Variants in PEX5L observed in about 807,000 individuals in gnomAD.
The protein encoded by PEX5L is peroxisomal biogenesis factor 5 like.
In PEX5L, 30 loss-of-function variants were observed where a neutral mutation model predicts 84.0. That is an observed-to-expected ratio of 0.36 (90% confidence interval 0.27 to 0.48). The LOEUF is 0.48. PEX5L is among the 20% of genes least tolerant of loss of function. PEX5L has a pLI of 0.99. For synonymous variants in PEX5L, 270 were observed against 283.1 expected (o/e 0.95, Z 0.46); for missense variants, 533 against 754.6 (o/e 0.71, Z 3.44).
intron 8 of PEX5L, among the ~76,000 whole-genome samples, chr3:179,847,388 A>G (rs1739937571): frequency 6.6e-6 from 1 of 152,250 alleles, no homozygotes; most frequent in Admixed American, 6.5e-5. Flanking sequence ...GGTACTGATG[A>G]CTGATCACCT....
intron 2 of PEX5L, among the ~76,000 whole-genome samples, chr3:179,948,794 T>A (rs555635776): frequency 5.3e-5 from 8 of 152,232 alleles, no homozygotes; most frequent in African/African-American, 1.9e-4. Flanking sequence ...GACTTGTTTA[T>A]TAATCTGAAG....
intron 2 of PEX5L, among the ~76,000 whole-genome samples, chr3:179,927,508 A>C (rs1771809494): frequency 6.6e-6 from 1 of 152,174 alleles, no homozygotes; most frequent in Non-Finnish European, 1.5e-5. Flanking sequence ...TTGCTACCTT[A>C]CTGGGGATGA....
At chr3:179,952,618 A>G (rs1288293178) in intron 2 of PEX5L, among the ~76,000 whole-genome samples, 3 of 152,238 alleles carry the variant, frequency 2.0e-5, no homozygotes, top group African/African-American at 4.8e-5. Flanking sequence ...AAACAAATAG[A>G]AAAACATTCC....
chr3:179,811,258 C>G (rs545590531), intron 11 of PEX5L, among the ~76,000 whole-genome samples: 179 of 151,594 alleles, frequency 1.2e-3, no homozygotes, highest in Admixed American at 1.8e-3. Context: ...CATATGTATA[C>G]GCACACATAT....
chr3:179,891,818 A>T (rs1021385954), intron 3 of PEX5L, among the ~76,000 whole-genome samples: 1 of 152,124 alleles, frequency 6.6e-6, no homozygotes. Context: ...CAAGTTTATG[A>T]TATTTCCTTT....
intron 8 of PEX5L, among the ~76,000 whole-genome samples, chr3:179,829,943 A>ATTTTTTTTTTTTTT (rs11352022): frequency 1.4e-4 from 12 of 83,612 alleles, no homozygotes; most frequent in African/African-American, 3.4e-4. Context: ...GGCCTGGCTA[A>ATTTTTTTTTTTTTT]TTTTTTTTTT....
chr3:179,978,030 G>A (rs1034913199), intron 1 of PEX5L, among the ~76,000 whole-genome samples: 1 of 152,210 alleles, frequency 6.6e-6, no homozygotes, highest in Non-Finnish European at 1.5e-5. Context: ...AGGACAACAA[G>A]TATGTTGTAG....
At chr3:179,858,566 C>A (rs1446962580) in intron 8 of PEX5L, among the ~76,000 whole-genome samples, 1 of 152,106 alleles carries the variant, frequency 6.6e-6, no homozygotes, top group Non-Finnish European at 1.5e-5. Context: ...TTGCTCAAGT[C>A]AAGAGGGACA....
chr3:179,859,473 C>T (rs1261177352), intron 7 of PEX5L, among the ~76,000 whole-genome samples: 2 of 152,154 alleles, frequency 1.3e-5, no homozygotes, highest in African/African-American at 2.4e-5. Flanking sequence ...TTTAGTTAAC[C>T]TCTCCAAGTG....
rs140511174 is a variant in PEX5L at position 179,908,516 on chromosome 3, C to T, written c.94-10270G>A. On this transcript the variant is annotated intron_variant, in intron 2 of 14. Coordinates refer to ENST00000467460, the MANE Select transcript of PEX5L (RefSeq NM_016559.3). ...TAAGTTTTAGGGTACATGTGCACAACGTGCAGGTTTGTCACATATGTATAC... is the reference window on the plus strand; with the variant it reads ...TAAGTTTTAGGGTACATGTGCACAATGTGCAGGTTTGTCACATATGTATAC... Among the ~76,000 whole-genome samples, 55 of 152,244 alleles carry T rather than the reference C, an allele frequency of 3.6e-4. 3 individuals are homozygous for T. In the East Asian group the frequency reaches 0.01, roughly 28 times the overall value.
At chr3:179,964,371 T>A (rs1224693954) in intron 2 of PEX5L, among the ~76,000 whole-genome samples, 1 of 152,134 alleles carries the variant, frequency 6.6e-6, no homozygotes, top group East Asian at 1.9e-4. Flanking sequence ...GAAATACTAT[T>A]CTGGACATAG....
intron 8 of PEX5L, among the ~76,000 whole-genome samples, chr3:179,832,261 G>C (rs1733317284): frequency 1.3e-5 from 2 of 151,918 alleles, no homozygotes; most frequent in Non-Finnish European, 2.9e-5. Context: ...GACAGAGAGA[G>C]AGAGATAGAG....
intron 4 of PEX5L, among the ~76,000 whole-genome samples, chr3:179,882,492 T>C (rs774911670): frequency 6.6e-5 from 10 of 152,168 alleles, no homozygotes; most frequent in Non-Finnish European, 1.3e-4. Context: ...GTTACCCAGC[T>C]GATGAAGGAG....
At position 179,877,749 on chromosome 3, in the gene PEX5L, C is replaced by A. The variant is rs554156855; in HGVS notation, c.505+2180G>T. On this transcript the variant is annotated intron_variant, in intron 5 of 14. Coordinates refer to ENST00000467460, the MANE Select transcript of PEX5L (RefSeq NM_016559.3). ...CTGGGATTACAGATATGAGCCACTG[C>A]ACCCAATCAATGTATTAATATATTT... Among the ~76,000 whole-genome samples, 11 of 152,290 alleles carry A rather than the reference C, an allele frequency of 7.2e-5. No homozygotes were observed. The South Asian group carries it at 2.3e-3, about 32-fold the overall frequency.
intron 1 of PEX5L, among the ~76,000 whole-genome samples, chr3:180,009,294 G>C (rs1789205584): frequency 6.6e-6 from 1 of 152,002 alleles, no homozygotes; most frequent in Non-Finnish European, 1.5e-5. Flanking sequence ...TTCAATATTT[G>C]GTTCTATCTT....
intron 2 of PEX5L, among the ~76,000 whole-genome samples, chr3:179,940,262 G>A (rs1052445091): frequency 6.6e-6 from 1 of 151,924 alleles, no homozygotes; most frequent in Admixed American, 6.6e-5. Context: ...TGGAGGAGAG[G>A]AATGGGTAAA....
At chr3:179,863,976 A>C (rs946368265) in intron 7 of PEX5L, among the ~76,000 whole-genome samples, 2 of 151,998 alleles carry the variant, frequency 1.3e-5, no homozygotes, top group Non-Finnish European at 2.9e-5. Context: ...GTCTCATGGG[A>C]TCTGATGGTA....
chr3:179,817,112 T>C (rs955898157), intron 9 of PEX5L, among the ~76,000 whole-genome samples: 7 of 152,252 alleles, frequency 4.6e-5, no homozygotes, highest in Non-Finnish European at 1.0e-4. Context: ...ACCATTGTCA[T>C]AGCTAAGAAT....
chr3:180,023,709 G>A (rs1790626705), intron 1 of PEX5L, among the ~76,000 whole-genome samples: 1 of 151,586 alleles, frequency 6.6e-6, no homozygotes, highest in African/African-American at 2.4e-5. Flanking sequence ...GAATATATTT[G>A]GTAAAATAGA....
Sources: gnomAD v4.1 joint callset for allele counts (sites outside exome capture counted in the v4.1 genomes callset) on GRCh38, gnomAD v4.1.1 for gene constraint, MANE v1.5 for transcripts, NCBI Gene and HGNC (gene_info 2026-07-23, HGNC 2026-07-21) for gene names.